The following NINL variants were observed in gnomAD, a reference collection of about 807,000 sequenced individuals.
NINL encodes the protein ninein-like protein.
NINL carries 153 observed loss-of-function variants against 160.3 expected under a neutral mutation model. The ratio of observed to expected loss-of-function variants is 0.95; its 90% CI spans 0.84 to 1.09. The LOEUF (loss-of-function observed/expected upper bound fraction) is 1.09, where lower values mean the gene tolerates loss of function less well. Ranked by LOEUF, NINL falls within the 50% of genes least tolerant of loss-of-function variation. The pLI, the probability that NINL is intolerant of heterozygous loss-of-function variation, is 0.00. For synonymous variants in NINL, 800 were observed against 734.8 expected (o/e 1.09, Z -1.43); for missense variants, 1,829 against 1,764.0 (o/e 1.04, Z -0.66).
intron 1 of NINL, among the ~76,000 whole-genome samples, chr20:25,581,636 T>C (rs939826740): frequency 5.9e-5 from 9 of 152,190 alleles, no homozygotes; most frequent in Non-Finnish European, 8.8e-5. Context: ...GATATGTGTG[T>C]TTATGTAAAG....
At chr20:25,468,681 G>C (rs2062990469) in intron 18 of NINL, among the ~76,000 whole-genome samples, 1 of 122,648 alleles carries the variant, frequency 8.2e-6, no homozygotes, top group Admixed American at 9.3e-5. Flanking sequence ...CCTCTGCCCT[G>C]TCCCCTGTCA....
At chr20:25,519,024 G>T (rs1476574853) in intron 2 of NINL, among the ~76,000 whole-genome samples, 1 of 150,434 alleles carries the variant, frequency 6.6e-6, no homozygotes, top group East Asian at 2.0e-4. Context: ...TTGAACCCAG[G>T]AGGCGGAGGT....
chr20:25,575,392 A>G (rs2147187278), intron 1 of NINL, among the ~76,000 whole-genome samples: 1 of 144,540 alleles, frequency 6.9e-6, no homozygotes, highest in East Asian at 2.1e-4. Flanking sequence ...GCTTGCAGTG[A>G]GCCGAGATTG....
intron 1 of NINL, among the ~76,000 whole-genome samples, chr20:25,559,149 A>G (rs2064903571): frequency 6.6e-6 from 1 of 152,218 alleles, no homozygotes; most frequent in Non-Finnish European, 1.5e-5. Context: ...AAGGCAAGGT[A>G]TCTGCTCACC....
chr20:25,460,779 C>A (rs1344112615), intron 21 of NINL, among the ~76,000 whole-genome samples: 2 of 152,284 alleles, frequency 1.3e-5, no homozygotes, highest in Non-Finnish European at 2.9e-5. Flanking sequence ...CGGGGGGGAC[C>A]AGGTGCAGAG....
At position 25,496,730 on chromosome 20, in the gene NINL, G is replaced by C. The variant is rs1238773841; in HGVS notation, c.1243C>G (p.Leu415Val). The C allele has an allele frequency of 1.2e-6, 2 of 1,614,036 alleles. No individual in the cohort carries two copies. Among genetic ancestry groups the C allele is most frequent in the Admixed American group, 1.7e-5 (1 of 60,012 alleles). Residue 415 changes from leucine to valine, a missense_variant, in exon 10 of 24, where the codon CTG becomes GTG. By Grantham distance (32) the Leu-to-Val change is conservative. Coordinates refer to ENST00000278886, the MANE Select transcript of NINL (RefSeq NM_025176.6). ...QDLERAEKRN[L>V]EFVKEMDDCH... is the part of the protein sequence containing the mutation. Reference sequence around the variant, plus strand: ...TCGTCCATCTCTTTCACAAACTCCAGGTTCCTCTTCTCGGCCCTCTCCAGG... The same window carrying C: ...TCGTCCATCTCTTTCACAAACTCCACGTTCCTCTTCTCGGCCCTCTCCAGG...
chr20:25,578,403 C>T (rs922028479), intron 1 of NINL, among the ~76,000 whole-genome samples: 2 of 152,014 alleles, frequency 1.3e-5, no homozygotes, highest in Non-Finnish European at 2.9e-5. Flanking sequence ...CCACCTCGCC[C>T]GGCCCTGAAA....
intron 1 of NINL, among the ~76,000 whole-genome samples, chr20:25,579,567 C>A (rs563837275): frequency 3.9e-5 from 6 of 152,268 alleles, no homozygotes; most frequent in African/African-American, 1.4e-4. Flanking sequence ...TGTCCCCACA[C>A]CCCCACGCCA....
At chr20:25,510,361 C>A (rs1299063792) in intron 5 of NINL, among the ~76,000 whole-genome samples, 1 of 152,234 alleles carries the variant, frequency 6.6e-6, no homozygotes, top group Non-Finnish European at 1.5e-5. Context: ...AACCACAGGG[C>A]CACACCTGCC....
intron 1 of NINL, among the ~76,000 whole-genome samples, chr20:25,581,254 G>A (rs546699507): frequency 6.6e-6 from 1 of 152,298 alleles, no homozygotes; most frequent in Non-Finnish European, 1.5e-5. Flanking sequence ...GACCAGCCTG[G>A]CCAACATGGC....
chr20:25,473,626 C>T lies in NINL; in HGVS notation c.3248+2417G>A, dbSNP rs974432855. On this transcript the variant is annotated intron_variant, in intron 17 of 23. Transcript: ENST00000278886. ...ATCACTTGAGGCCAGGAGTTCAAGA[C>T]CAGCCTGGCCAACATGGTGAAACCC... 1.1e-4 allele frequency among the ~76,000 whole-genome samples: 17 copies of T among 151,442 alleles called. No homozygotes were observed. The East Asian group carries it at 2.9e-3, about 26-fold the overall frequency.
chr20:25,482,785 A>T (rs1601096449), intron 13 of NINL, among the ~76,000 whole-genome samples: 1 of 151,938 alleles, frequency 6.6e-6, no homozygotes, highest in Admixed American at 6.5e-5. Context: ...ACATTCTGGG[A>T]GGCCCAGATG....
chr20:25,518,842 A>C (rs1464504049), intron 2 of NINL, among the ~76,000 whole-genome samples: 2 of 151,044 alleles, frequency 1.3e-5, no homozygotes, highest in Non-Finnish European at 2.9e-5. Context: ...TCATGCCTGT[A>C]ATCCCAGCAC....
At chr20:25,537,293 G>C (rs1258267665) in intron 1 of NINL, among the ~76,000 whole-genome samples, 1 of 152,016 alleles carries the variant, frequency 6.6e-6, no homozygotes, top group Non-Finnish European at 1.5e-5. Context: ...ATGTTACCCA[G>C]GCTGGTCTCA....
intron 1 of NINL, among the ~76,000 whole-genome samples, chr20:25,579,142 A>T (rs1460067228): frequency 1.3e-5 from 2 of 152,194 alleles, no homozygotes; most frequent in African/African-American, 4.8e-5. Context: ...CCTCGGAGGC[A>T]GTAAGGGATG....
rs1478378355 is a variant in NINL, at chr20:25,476,679, T to G, written c.2612A>C (p.Glu871Ala). Residue 871 changes from glutamate to alanine, a missense_variant, in exon 17 of 24, where the codon GAG becomes GCG. Glu to Ala is a moderately radical substitution (Grantham distance 107, BLOSUM62 -1). Transcript: ENST00000278886. ...GCGGCGAGGCCCGGCTCCTGCCGCC[T>G]CCTCAGACTCTCTGCCATCACCTGG... Reference protein sequence around the residue: ...LAPGDGRESEEAAGAGPRRRQ... With the variant: ...LAPGDGRESEAAAGAGPRRRQ... 5 of 1,590,688 alleles carry G rather than the reference T, an allele frequency of 3.1e-6. No individual in the cohort carries two copies. The highest frequency in any genetic ancestry group is 1.7e-5 in the Admixed American group (1 of 58,598).
chr20:25,547,265 G>C (rs566296903), intron 1 of NINL, among the ~76,000 whole-genome samples: 1 of 152,066 alleles, frequency 6.6e-6, no homozygotes, highest in Non-Finnish European at 1.5e-5. Flanking sequence ...CAGCCTCCAG[G>C]GTGGGCGGGG....
At position 25,469,975 on chromosome 20, in the gene NINL, G is replaced by C; in HGVS notation, c.3353+16C>G. ...AACGCACCCCCAGAAGGTCTGGGTA[G>C]GGGCGTGGCCCTTACCTCTGTGCAT... On this transcript the variant is annotated intron_variant, in intron 18 of 23. Transcript: ENST00000278886. 6.3e-7 allele frequency: 1 copy of C among 1,586,824 alleles called. No homozygotes were observed. Among genetic ancestry groups the C allele is most frequent in the Non-Finnish European group, 8.7e-7 (1 of 1,155,130 alleles).
At chr20:25,492,094 A>C (rs2063653784) in intron 10 of NINL, among the ~76,000 whole-genome samples, 1 of 152,216 alleles carries the variant, frequency 6.6e-6, no homozygotes, top group Non-Finnish European at 1.5e-5. Flanking sequence ...GGAATTCTCA[A>C]ACCACGTCTA....
Sources: gnomAD v4.1 joint callset for allele counts (sites outside exome capture counted in the v4.1 genomes callset) on GRCh38, gnomAD v4.1.1 for gene constraint, MANE v1.5 for transcripts, NCBI Gene and HGNC (gene_info 2026-07-23, HGNC 2026-07-21) for gene names.